Variants in LAMA1 observed in about 807,000 individuals in gnomAD.
LAMA1 encodes laminin subunit alpha 1, also known as laminin subunit alpha-1.
In LAMA1, 219 loss-of-function variants were observed where a neutral mutation model predicts 348.7. That is an observed-to-expected ratio of 0.63 (90% CI 0.56 to 0.70). The LOEUF (loss-of-function observed/expected upper bound fraction) is 0.70. Ranked by LOEUF, LAMA1 falls within the 30% of genes least tolerant of loss-of-function variation. The pLI is 0.00. For missense variants in LAMA1, 3,744 were observed against 3,888.0 expected (o/e 0.96, Z 0.99); for synonymous variants, 1,487 against 1,491.0 (o/e 1.00, Z 0.06).
chr18:7,070,773 C>G (rs1399979502), intron 3 of LAMA1, among the ~76,000 whole-genome samples: 1 of 152,096 alleles, frequency 6.6e-6, no homozygotes, highest in East Asian at 1.9e-4. Flanking sequence ...CAAAACAGAT[C>G]TTATCTTCTA....
At chr18:7,002,800 A>C (rs1360249234) in intron 29 of LAMA1, among the ~76,000 whole-genome samples, 3 of 152,186 alleles carry the variant, frequency 2.0e-5, no homozygotes, top group African/African-American at 7.2e-5. Context: ...GGAAATAGAC[A>C]ATGAGGGAAG....
chr18:7,099,403 C>T (rs1330808685), intron 1 of LAMA1, among the ~76,000 whole-genome samples: 4 of 151,826 alleles, frequency 2.6e-5, no homozygotes, highest in Admixed American at 2.6e-4. Flanking sequence ...GACCTTCCCT[C>T]CACTATTGTC....
chr18:6,961,918 T>G lies in LAMA1; in HGVS notation c.7452+27A>C, dbSNP rs770696899. On this transcript the variant is annotated intron_variant, in intron 52 of 62. Coordinates refer to ENST00000389658, the MANE Select transcript of LAMA1 (RefSeq NM_005559.4). ...TCAATGGACACTTATGGAAACTCATTTGAACATTAATAACAATGTTTCCTA... is the reference window on the plus strand; with the variant it reads ...TCAATGGACACTTATGGAAACTCATGTGAACATTAATAACAATGTTTCCTA... 4.4e-6 allele frequency: 7 copies of G among 1,588,348 alleles called. No individual in the cohort carries two copies. The African/African-American group carries it at 6.7e-5, about 15-fold the overall frequency.
intron 36 of LAMA1, among the ~76,000 whole-genome samples, chr18:6,988,484 GTCTTGGAATGTGCT>G (rs1462068952): frequency 6.6e-6 from 1 of 152,178 alleles, no homozygotes; most frequent in Non-Finnish European, 1.5e-5. Context: ...TAGACACTGT[GTCTTGGAATGTGCT>G]TCTTTAATGA....
At chr18:7,002,471 G>T in intron 29 of LAMA1, 86 bp from the exon 30 acceptor site, 3 of 1,348,634 alleles carry the variant, frequency 2.2e-6, no homozygotes, top group Non-Finnish European at 3.2e-6. Context: ...GCACTGCCAC[G>T]TTTTATATCA....
At position 7,040,835 on chromosome 18, in the gene LAMA1, C is replaced by T. The variant is rs550811479; in HGVS notation, c.1262-599G>A. On this transcript the variant is annotated intron_variant, in intron 9 of 62. Transcript: ENST00000389658. The stretch of plus-strand genomic sequence containing the variant: ...AATAAAAAGGGTTGAAATACTGATA[C>T]ATGGTACAACACGGATGACCTTGAA... Among the ~76,000 whole-genome samples, 16 of 152,272 alleles carry T rather than the reference C, an allele frequency of 1.1e-4. 1 individual carries two copies. In the South Asian group the frequency reaches 3.3e-3, roughly 32 times the overall value.
rs555251204 is a variant in LAMA1 at position 7,074,619 on chromosome 18, CAT to C, written c.345+5354_345+5355del. On this transcript the variant is annotated intron_variant, in intron 3 of 62. Coordinates refer to ENST00000389658, the MANE Select transcript of LAMA1 (RefSeq NM_005559.4). Reference sequence around the variant, plus strand: ...AGCATTTTATTAATGGAGACCACAACATATATGTTAATTTTGTATTTGTTAAA... The same window carrying C: ...AGCATTTTATTAATGGAGACCACAACATATGTTAATTTTGTATTTGTTAAA... Among the ~76,000 whole-genome samples the C allele has an allele frequency of 4.5e-3, 684 of 152,230 alleles. 10 individuals are homozygous for C. The highest frequency in any genetic ancestry group is 0.016 in the African/African-American group (663 of 41,538).
chr18:7,099,026 G>A (rs911876076), intron 1 of LAMA1, among the ~76,000 whole-genome samples: 9 of 152,072 alleles, frequency 5.9e-5, no homozygotes, highest in East Asian at 3.9e-4. Flanking sequence ...GGAATAGAAA[G>A]GGGGGAAAGG....
Position 6,978,234 on chromosome 18 carries a change from C to A in LAMA1, c.6152G>T (p.Arg2051Leu), listed in dbSNP as rs145781920. The A allele has an allele frequency of 5.0e-6, 8 of 1,614,224 alleles. No homozygotes were observed. The highest frequency in any genetic ancestry group is 5.9e-6 in the Non-Finnish European group (7 of 1,180,048). Residue 2051 changes from arginine to leucine, a missense_variant, in exon 43 of 63, where the codon CGA becomes CTA. Around this residue, in one of 3 missense-constraint regions of LAMA1, gnomAD observed 1,983 missense variants for 1,934.3 expected, o/e 1.03. Coordinates refer to ENST00000389658, the MANE Select transcript of LAMA1 (RefSeq NM_005559.4). ...ASLSRVNTTL[R>L]ETHQLLQDST... ...GTCCTGCAGAAGCTGGTGTGTCTCT[C>A]GTAATGTGGTGTTGACCCTGGACAG... is the stretch of plus-strand genomic sequence containing the variant.
intron 1 of LAMA1, among the ~76,000 whole-genome samples, chr18:7,089,781 A>G (rs1230497290): frequency 2.0e-5 from 3 of 152,218 alleles, no homozygotes; most frequent in Non-Finnish European, 4.4e-5. Context: ...GGCTGTGAAC[A>G]CATAGGAAAG....
intron 16 of LAMA1, 38 bp downstream of exon 16, chr18:7,032,028 A>C (rs140476234): frequency 2.0e-6 from 3 of 1,516,704 alleles, no homozygotes; most frequent in African/African-American, 2.7e-5. Flanking sequence ...CTCTGAATTG[A>C]GGAGGAGAGG....
At chr18:7,108,902 G>A (rs1389960120) in intron 1 of LAMA1, among the ~76,000 whole-genome samples, 3 of 152,074 alleles carry the variant, frequency 2.0e-5, no homozygotes, top group African/African-American at 4.8e-5. Flanking sequence ...GGATTTTGAC[G>A]GGTGGGGAAA....
At chr18:7,030,534 T>C (rs989059384) in intron 16 of LAMA1, among the ~76,000 whole-genome samples, 1 of 152,150 alleles carries the variant, frequency 6.6e-6, no homozygotes, top group African/African-American at 2.4e-5. Context: ...ATAACTCCAC[T>C]CTAGTTATGC....
At chr18:7,014,277 T>C (rs567433657) in intron 22 of LAMA1, among the ~76,000 whole-genome samples, 21 of 152,286 alleles carry the variant, frequency 1.4e-4, no homozygotes, top group African/African-American at 5.1e-4. Context: ...GGGGCCAGAA[T>C]TGTGAACTGA....
chr18:6,997,349 T>C (rs936206299), intron 33 of LAMA1, among the ~76,000 whole-genome samples: 1 of 152,114 alleles, frequency 6.6e-6, no homozygotes, highest in Admixed American at 6.6e-5. Flanking sequence ...GGATTACAGG[T>C]GTGAGCCACC....
At chr18:7,012,192 CTG>C (rs879587362) in intron 23 of LAMA1, 54 bp from the exon 24 acceptor site, 8 of 1,574,696 alleles carry the variant, frequency 5.1e-6, no homozygotes, top group Non-Finnish European at 7.0e-6. Context: ...GATGTGATTT[CTG>C]AACAAACAGA....
rs375316910 is a variant in LAMA1 at position 7,013,763 on chromosome 18, T to G, written c.3363+52A>C. The G allele has an allele frequency of 4.5e-5, 70 of 1,572,674 alleles. 1 individual carries two copies. The African/African-American group carries it at 6.8e-4, about 15-fold the overall frequency. Reference sequence around the variant, plus strand: ...TAGGTAAGTAGTCAAAGCCCAGGAGTCATGATGAGGAGCCAGAGACAGGAT... The same window carrying G: ...TAGGTAAGTAGTCAAAGCCCAGGAGGCATGATGAGGAGCCAGAGACAGGAT... On this transcript the variant is annotated intron_variant, in intron 23 of 62. Transcript: ENST00000389658.
At chr18:7,060,228 C>T (rs1412232302) in intron 3 of LAMA1, among the ~76,000 whole-genome samples, 1 of 152,142 alleles carries the variant, frequency 6.6e-6, no homozygotes, top group African/African-American at 2.4e-5. Flanking sequence ...TATTATATTT[C>T]AGTTGGCAGT....
At chr18:7,070,373 A>T (rs2058140884) in intron 3 of LAMA1, among the ~76,000 whole-genome samples, 1 of 152,202 alleles carries the variant, frequency 6.6e-6, no homozygotes, top group Non-Finnish European at 1.5e-5. Flanking sequence ...TTCACTTGTA[A>T]TGAGACGCTC....
Sources: allele counts gnomAD v4.1 joint callset (sites outside exome capture counted in the v4.1 genomes callset), GRCh38; gene constraint gnomAD v4.1.1; regional missense constraint gnomAD v4.1.1; transcripts MANE v1.5; gene names NCBI Gene and HGNC (gene_info 2026-07-23, HGNC 2026-07-21).